The following IFT80 variants were observed in gnomAD, a reference collection of about 807,000 sequenced individuals.
IFT80 encodes intraflagellar transport 80, also known as intraflagellar transport protein 80 homolog.
IFT80 carries 79 observed loss-of-function variants against 107.9 expected under a neutral mutation model. The ratio of observed to expected loss-of-function variants is 0.73; its 90% CI spans 0.61 to 0.88. The LOEUF (loss-of-function observed/expected upper bound fraction) is 0.88, where lower values mean the gene tolerates loss of function less well. Ranked by LOEUF, IFT80 falls within the 40% of genes least tolerant of loss-of-function variation. IFT80 has a pLI of 0.00. For missense variants in IFT80, 797 were observed against 914.2 expected, an observed-to-expected ratio of 0.87 and a Z score of 1.65; for synonymous variants, 299 against 300.9, an observed-to-expected ratio of 0.99 and a Z score of 0.07.
At chr3:160,372,472 C>G (rs1711599735) in intron 5 of IFT80, among the ~76,000 whole-genome samples, 1 of 152,128 alleles carries the variant, frequency 6.6e-6, no homozygotes, top group Admixed American at 6.5e-5. Flanking sequence ...AACTTAACTG[C>G]TCTACTGATT....
intron 8 of IFT80, among the ~76,000 whole-genome samples, chr3:160,334,428 CTTT>C (rs34377587): frequency 7.0e-6 from 1 of 141,944 alleles, no homozygotes. Flanking sequence ...AATTGGCTCG[CTTT>C]TTTTTTTTTT....
intron 12 of IFT80, among the ~76,000 whole-genome samples, chr3:160,299,901 A>T (rs1288080625): frequency 6.6e-6 from 1 of 152,116 alleles, no homozygotes; most frequent in East Asian, 1.9e-4. Flanking sequence ...CTACGATAAC[A>T]TGCTTGCCTT....
chr3:160,293,455 C>T (rs555436096), intron 12 of IFT80, among the ~76,000 whole-genome samples: 16 of 152,282 alleles, frequency 1.1e-4, no homozygotes, highest in Non-Finnish European at 1.5e-4. Flanking sequence ...GAATTAAAAG[C>T]CTCCTATCTC....
At chr3:160,304,845 C>T (rs377121602) in intron 10 of IFT80, among the ~76,000 whole-genome samples, 16 of 152,064 alleles carry the variant, frequency 1.1e-4, no homozygotes, top group African/African-American at 3.9e-4. Context: ...AAGCAGGTAC[C>T]AGAAAAACAG....
At chr3:160,261,854 A>G (rs774794720) in intron 19 of IFT80, among the ~76,000 whole-genome samples, 1 of 151,564 alleles carries the variant, frequency 6.6e-6, no homozygotes, top group African/African-American at 2.4e-5. Flanking sequence ...ACCCATGTGT[A>G]TATCTGGAGA....
chr3:160,257,243 C>T lies in IFT80; in HGVS notation c.*1282G>A, dbSNP rs1245507799. The T allele has an allele frequency of 1.3e-5, 2 of 151,952 alleles. No individual in the cohort carries two copies. The highest frequency in any genetic ancestry group is 4.8e-5 in the African/African-American group (2 of 41,376). The allele number at this position is 151,952 out of a possible 1,614,324, so 9.4% of individuals were successfully genotyped here. ...AAGATTTTTATTTAAAAAACCTAGA[C>T]ATAGTAATTAAAATGGGGGTTAAGA... On this transcript the variant is annotated 3_prime_UTR_variant, in exon 20 of 20. Coordinates refer to ENST00000326448, the MANE Select transcript of IFT80 (RefSeq NM_020800.3).
rs3043631 is a variant in IFT80, at chr3:160,315,053, A to AAGGGAGGGAGGGAGGG, written c.957+4691_957+4706dup. 2.0e-3 allele frequency among the ~76,000 whole-genome samples: 91 copies of AAGGGAGGGAGGGAGGG among 45,222 alleles called. 3 individuals are homozygous for AAGGGAGGGAGGGAGGG. Among genetic ancestry groups the AAGGGAGGGAGGGAGGG allele is most frequent in the African/African-American group, 4.5e-3 (52 of 11,490 alleles). The allele number at this position is 45,222 out of a possible 152,430, so 29.7% of individuals were successfully genotyped here. A position where few individuals can be genotyped will look rare whatever the true frequency, so the allele number is the denominator to read the frequency against. ...GTGGGCAGGAGGGGAAAAAAGAAGGAAGGGAGGGAGGGAGGGAGGGAGGGA... is the reference window on the plus strand; with the variant it reads ...GTGGGCAGGAGGGGAAAAAAGAAGGAAGGGAGGGAGGGAGGGAGGGAGGGAGGGAGGGAGGGAGGGA... On this transcript the variant is annotated intron_variant, in intron 9 of 19. Transcript: ENST00000326448.
chr3:160,307,622 C>T, intron 10 of IFT80, 41 bp downstream of exon 10: 1 of 1,064,842 alleles, frequency 9.4e-7, no homozygotes, highest in Non-Finnish European at 1.5e-6. Flanking sequence ...TCAGCACAGA[C>T]AGACAAAACT....
chr3:160,270,914 G>C (rs1436942730), intron 18 of IFT80, among the ~76,000 whole-genome samples: 2 of 152,120 alleles, frequency 1.3e-5, no homozygotes, highest in Admixed American at 1.3e-4. Flanking sequence ...TCAATGGGGA[G>C]TACATAAAAT....
chr3:160,385,136 T>TA (rs1386464221), intron 1 of IFT80, among the ~76,000 whole-genome samples: 1 of 152,234 alleles, frequency 6.6e-6, no homozygotes, highest in African/African-American at 2.4e-5. Flanking sequence ...GCCCAACAGT[T>TA]ACGGTTACCA....
chr3:160,291,690 C>G (rs180989716), intron 12 of IFT80, among the ~76,000 whole-genome samples: 1 of 152,282 alleles, frequency 6.6e-6, no homozygotes, highest in East Asian at 1.9e-4. Flanking sequence ...GCCATGGTCA[C>G]ATGGTCAGGC....
intron 6 of IFT80, among the ~76,000 whole-genome samples, chr3:160,363,558 C>A (rs185983852): frequency 1.6e-4 from 25 of 152,222 alleles, no homozygotes; most frequent in African/African-American, 5.8e-4. Context: ...ATTGCCAAGA[C>A]AATCCTAAGC....
At chr3:160,365,911 G>A in intron 6 of IFT80, 132 bp downstream of exon 6, 1 of 726,078 alleles carries the variant, frequency 1.4e-6, no homozygotes, top group South Asian at 1.5e-5. Context: ...TGTAATAAAG[G>A]CTGATTAAAC....
chr3:160,353,377 T>G (rs1212657305), intron 8 of IFT80, among the ~76,000 whole-genome samples: 2 of 152,148 alleles, frequency 1.3e-5, no homozygotes, highest in Non-Finnish European at 2.9e-5. Flanking sequence ...TCACCTCTTT[T>G]CTACCCCACA....
Position 160,258,570 on chromosome 3 carries a change from T to C in IFT80, c.2289A>G (p.Gln763=), listed in dbSNP as rs142438830. 201 of 1,613,684 alleles carry C rather than the reference T, an allele frequency of 1.2e-4. No individual in the cohort carries two copies. Among genetic ancestry groups the C allele is most frequent in the Non-Finnish European group, 1.7e-4 (195 of 1,179,976 alleles). ...TCTTGCTGGATTGGCTGCTTGATGA[T>C]TGCTCTCTTTCTTTTGTAATTTCCA... is the stretch of plus-strand genomic sequence containing the variant. ...IEMEITKERE[Q]SSSSQSSKSI... The change falls in exon 20 of 20, where the codon CAA becomes CAG. Residue 763 remains glutamine, a synonymous_variant. Coordinates refer to ENST00000326448, the MANE Select transcript of IFT80 (RefSeq NM_020800.3).
In IFT80 at chr3:160,357,397, G is replaced by A. The variant is rs1195675867; in HGVS notation, c.639+92C>T. 5 of 717,686 alleles carry A rather than the reference G, an allele frequency of 7.0e-6. No homozygotes were observed. The East Asian group carries it at 1.1e-4, about 15-fold the overall frequency. The allele number at this position is 717,686 out of a possible 1,614,324, so 44.5% of individuals were successfully genotyped here. On this transcript the variant is annotated intron_variant, in intron 7 of 19. Coordinates refer to ENST00000326448, the MANE Select transcript of IFT80 (RefSeq NM_020800.3). ...TAAATTACTGGAGTAAAAAGACATG[G>A]CTAAAGTAAAAAACTAAAAGAATAT...
At chr3:160,383,240 T>C (rs1712665891) in intron 2 of IFT80, among the ~76,000 whole-genome samples, 1 of 152,158 alleles carries the variant, frequency 6.6e-6, no homozygotes, top group Non-Finnish European at 1.5e-5. Context: ...TCTAAAAACA[T>C]TGTTATTCTT....
chr3:160,329,257 T>C (rs1013512137), intron 8 of IFT80, among the ~76,000 whole-genome samples: 2 of 152,182 alleles, frequency 1.3e-5, no homozygotes, highest in African/African-American at 4.8e-5. Flanking sequence ...TTTAAAGAGA[T>C]TTTTTTAACA....
intron 19 of IFT80, among the ~76,000 whole-genome samples, chr3:160,262,126 G>C (rs1041986691): frequency 6.6e-6 from 1 of 152,044 alleles, no homozygotes; most frequent in East Asian, 1.9e-4. Flanking sequence ...GGTGAAAAGA[G>C]AAAAACAAGC....
Sources: gnomAD v4.1 joint callset for allele counts (sites outside exome capture counted in the v4.1 genomes callset) on GRCh38, gnomAD v4.1.1 for gene constraint, MANE v1.5 for transcripts, NCBI Gene and HGNC (gene_info 2026-07-23, HGNC 2026-07-21) for gene names.